MARK4: variants seen among roughly 807,000 people sequenced by gnomAD.
MARK4 encodes the protein microtubule affinity regulating kinase 4, also known as MAP/microtubule affinity-regulating kinase 4.
In MARK4, 19 loss-of-function variants were observed where a neutral mutation model predicts 81.5. The ratio of observed to expected loss-of-function variants is 0.23; its 90% CI spans 0.16 to 0.34. MARK4 has a LOEUF of 0.34. MARK4 is among the 10% of genes least tolerant of loss of function. MARK4 has a pLI of 1.00. For synonymous variants in MARK4, 436 were observed against 439.0 expected, an observed-to-expected ratio of 0.99 and a Z score of 0.08; for missense variants, 772 against 1,058.8, an observed-to-expected ratio of 0.73 and a Z score of 3.76.
In MARK4 at chr19:45,270,208, G is replaced by A. The variant is rs570355380; in HGVS notation, c.550-1264G>A. Among the ~76,000 whole-genome samples, 4 of 152,252 alleles carry A rather than the reference G, an allele frequency of 2.6e-5. 1 individual carries two copies. Among genetic ancestry groups the A allele is most frequent in the African/African-American group, 9.6e-5 (4 of 41,552 alleles). ...GCTTAAACCCACAACCACGCTTGAG[G>A]CAGGTGTCGAGATCACCCTCAGTTT... On this transcript the variant is annotated intron_variant, in intron 7 of 16. Transcript: ENST00000262891.
chr19:45,278,805 A>T (rs912251649), intron 10 of MARK4, among the ~76,000 whole-genome samples, 190 bp downstream of exon 10: 10 of 152,194 alleles, frequency 6.6e-5, no homozygotes, highest in African/African-American at 2.4e-4. Context: ...GGGTTTTGCC[A>T]TGTTGGCCAT....
chr19:45,298,166 G>A (rs775263527), intron 15 of MARK4: 3 of 1,613,568 alleles, frequency 1.9e-6, no homozygotes, highest in African/African-American at 1.3e-5. Flanking sequence ...CCCTCTAAAC[G>A]GCAGAACTCT....
At chr19:45,293,029 AG>A (rs1970839087) in intron 13 of MARK4, among the ~76,000 whole-genome samples, 1 of 152,174 alleles carries the variant, frequency 6.6e-6, no homozygotes, top group Non-Finnish European at 1.5e-5. Flanking sequence ...GCACTTTGGG[AG>A]GCTGAGGCGG....
intron 9 of MARK4, 108 bp from the exon 10 acceptor site, chr19:45,278,408 G>C: frequency 1.0e-6 from 1 of 984,472 alleles, no homozygotes; most frequent in African/African-American, 1.6e-5. Context: ...TAGGAAGCCC[G>C]CAATTCTGGG....
chr19:45,262,237 G>A (rs1249941474), intron 2 of MARK4, among the ~76,000 whole-genome samples: 1 of 151,730 alleles, frequency 6.6e-6, no homozygotes, highest in Non-Finnish European at 1.5e-5. Flanking sequence ...TGAGGTGGGA[G>A]GATCACTTGA....
At chr19:45,301,626 C>T (rs1293753081) in intron 16 of MARK4, among the ~76,000 whole-genome samples, 5 of 142,652 alleles carry the variant, frequency 3.5e-5, no homozygotes, top group African/African-American at 7.8e-5. Flanking sequence ...TTTGGGAGGT[C>T]GAGGCGGGCA....
chr19:45,284,474 C>G (rs1193156792), intron 12 of MARK4, among the ~76,000 whole-genome samples: 1 of 152,074 alleles, frequency 6.6e-6, no homozygotes, highest in African/African-American at 2.4e-5. Flanking sequence ...AGGTGTCCAC[C>G]ACCACGCCCA....
At chr19:45,298,539 C>G (rs1044026705) in intron 15 of MARK4, among the ~76,000 whole-genome samples, 1 of 152,140 alleles carries the variant, frequency 6.6e-6, no homozygotes, top group African/African-American at 2.4e-5. Context: ...ATGGACTGAG[C>G]GTAGAACATT....
At chr19:45,255,874 C>T (rs1970301414) in intron 1 of MARK4, among the ~76,000 whole-genome samples, 1 of 141,686 alleles carries the variant, frequency 7.1e-6, no homozygotes, top group Admixed American at 6.9e-5. Flanking sequence ...CTCAGGCACC[C>T]TGAGCCCCAG....
At position 45,251,507 on chromosome 19, in the gene MARK4, C is replaced by CG. The variant is rs886070126; in HGVS notation, c.-74dup. 416 of 798,742 alleles carry CG rather than the reference C, an allele frequency of 5.2e-4. 1 individual carries two copies. Among genetic ancestry groups the CG allele is most frequent in the Middle Eastern group, 2.8e-3 (7 of 2,540 alleles). The allele number at this position is 798,742 out of a possible 1,614,324, so 49.5% of individuals were successfully genotyped here. The stretch of plus-strand genomic sequence containing the variant: ...TTTTGAGCTCGCGTCCCCAGGCCGG[C>CG]GGGGGGGGAGGGGAAGAGAGGGGAC... On this transcript the variant is annotated 5_prime_UTR_variant, in exon 1 of 17. Coordinates refer to ENST00000262891, the MANE Select transcript of MARK4 (RefSeq NM_001199867.2).
rs368712755 is a variant in MARK4 at position 45,294,461 on chromosome 19, G to T, written c.1598+9G>T. On this transcript the variant is annotated intron_variant, in intron 14 of 16. Coordinates refer to ENST00000262891, the MANE Select transcript of MARK4 (RefSeq NM_001199867.2). ...AATGGGAAAGAAAACAGGTACGGAG[G>T]GGGCAGCAACAGGGTGAGGGGTGGG... 72 of 1,612,800 alleles carry T rather than the reference G, an allele frequency of 4.5e-5. No homozygotes were observed. In the African/African-American group the frequency reaches 7.6e-4, roughly 17 times the overall value.
chr19:45,299,269 CAAAAA>C lies in MARK4; in HGVS notation c.1878-540_1878-536del, dbSNP rs562690674. Among the ~76,000 whole-genome samples the C allele has an allele frequency of 2.6e-5, 4 of 151,842 alleles. No individual in the cohort carries two copies. In the East Asian group the frequency reaches 7.8e-4, roughly 29 times the overall value. On this transcript the variant is annotated intron_variant, in intron 15 of 16. Transcript: ENST00000262891. ...AAAGCCCCATCTCTACAAAACAAAACAAAAAACAAAAAGCAGATGTGGCACGCGCC... is the reference window on the plus strand; with the variant it reads ...AAAGCCCCATCTCTACAAAACAAAACACAAAAAGCAGATGTGGCACGCGCC...
chr19:45,269,574 C>G (rs1213800528), intron 7 of MARK4, among the ~76,000 whole-genome samples: 3 of 151,970 alleles, frequency 2.0e-5, no homozygotes, highest in Admixed American at 2.0e-4. Flanking sequence ...GTGACCTGGG[C>G]GAGGGAAGGA....
intron 1 of MARK4, among the ~76,000 whole-genome samples, chr19:45,253,183 A>AC (rs202226189): frequency 2.0e-4 from 24 of 122,432 alleles, no homozygotes; most frequent in Non-Finnish European, 3.5e-4. Context: ...CCTCCGACAG[A>AC]CCCCCCCACA....
At chr19:45,270,641 T>C (rs34969856) in intron 7 of MARK4, among the ~76,000 whole-genome samples, 31,910 of 152,054 alleles carry the variant, frequency 0.21, 3,879 homozygotes, top group Non-Finnish European at 0.29. Flanking sequence ...ACTCTGTTGC[T>C]CAGGCTGGAG....
Position 45,299,826 on chromosome 19 carries a change from T to G in MARK4, c.1893T>G (p.Pro631=). Reference sequence around the variant, plus strand: ...CCTCCCCTAGGGTCGCAGACGAACCTGAGAGAATCGGGGGACCTGAGGTCA... The same window carrying G: ...CCTCCCCTAGGGTCGCAGACGAACCGGAGAGAATCGGGGGACCTGAGGTCA... The part of the protein sequence containing the change: ...SKLTRRVADE[P]ERIGGPEVTS... Residue 631 remains proline (P), a synonymous_variant, in exon 16 of 17, where the codon CCT becomes CCG. Coordinates refer to ENST00000262891, the MANE Select transcript of MARK4 (RefSeq NM_001199867.2). The G allele has an allele frequency of 6.2e-7, 1 of 1,605,528 alleles. No homozygotes were observed. The highest frequency in any genetic ancestry group is 1.1e-5 in the South Asian group (1 of 90,220).
chr19:45,282,610 G>A (rs778322498), intron 12 of MARK4, among the ~76,000 whole-genome samples: 4 of 152,002 alleles, frequency 2.6e-5, no homozygotes, highest in Non-Finnish European at 5.9e-5. Flanking sequence ...GGAGGATCAC[G>A]AGGTCAGGAG....
At chr19:45,259,692 T>C (rs1185536731) in intron 2 of MARK4, among the ~76,000 whole-genome samples, 1 of 152,106 alleles carries the variant, frequency 6.6e-6, no homozygotes, top group Non-Finnish European at 1.5e-5. Flanking sequence ...GGAGGATCGC[T>C]TGAGCTCAGG....
At chr19:45,278,120 A>C in intron 9 of MARK4, 78 bp downstream of exon 9, 3 of 1,574,708 alleles carry the variant, frequency 1.9e-6, no homozygotes, top group Non-Finnish European at 1.7e-6. Context: ...CCACCCACAA[A>C]AGCCTTCTTG....
Sources: allele counts gnomAD v4.1 joint callset (sites outside exome capture counted in the v4.1 genomes callset), GRCh38; gene constraint gnomAD v4.1.1; transcripts MANE v1.5; gene names NCBI Gene and HGNC (gene_info 2026-07-23, HGNC 2026-07-21).